The following GINS4 variants were observed in gnomAD, a reference collection of about 807,000 sequenced individuals.
GINS4 encodes DNA replication complex GINS protein SLD5.
A neutral mutation model predicts 31.1 loss-of-function variants in GINS4; 20 were observed. That is an observed-to-expected ratio of 0.64 (90% CI 0.45 to 0.93). The LOEUF (loss-of-function observed/expected upper bound fraction) is 0.93, where lower values mean the gene tolerates loss of function less well. GINS4 is among the 40% of genes least tolerant of loss of function. The probability of loss-of-function intolerance (pLI) is 0.00; values close to 1 mark genes in which losing one functional copy is unlikely to be tolerated. For synonymous variants in GINS4, 85 were observed against 97.9 expected (o/e 0.87, Z 0.78); for missense variants, 245 against 273.9 (o/e 0.89, Z 0.75).
intron 2 of GINS4, among the ~76,000 whole-genome samples, chr8:41,531,820 A>C (rs1806651579): frequency 6.6e-6 from 1 of 152,124 alleles, no homozygotes; most frequent in South Asian, 2.1e-4. Flanking sequence ...AGCATAAAGG[A>C]AAAAAGGGAT....
At chr8:41,538,063 A>G (rs1806773570) in intron 4 of GINS4, 1 of 152,006 alleles carries the variant, frequency 6.6e-6, no homozygotes, top group Admixed American at 6.6e-5. Flanking sequence ...CCTAGTTTAT[A>G]ACTCTGAGAA....
chr8:41,532,897 G>T (rs1271245647), intron 2 of GINS4, among the ~76,000 whole-genome samples: 1 of 151,408 alleles, frequency 6.6e-6, no homozygotes, highest in Non-Finnish European at 1.5e-5. Context: ...GATATAAATA[G>T]GTATAATCGC....
At position 41,542,291 on chromosome 8, in the gene GINS4, G is replaced by A; in HGVS notation, c.*204G>A. On this transcript the variant is annotated 3_prime_UTR_variant, in exon 8 of 8. Coordinates refer to ENST00000276533, the MANE Select transcript of GINS4 (RefSeq NM_032336.3). ...CCCAGCTACTCAGGAGGCCGGGGCA[G>A]GAGAATCGCTTGAACCTGGGAGCAG... 1 of 573,160 alleles carries A rather than the reference G, an allele frequency of 1.7e-6. No homozygotes were observed. The highest frequency in any genetic ancestry group is 3.1e-6 in the Non-Finnish European group (1 of 317,602). The allele number at this position is 573,160 out of a possible 1,614,324, so 35.5% of individuals were successfully genotyped here. A position where few individuals can be genotyped will look rare whatever the true frequency, so the allele number is the denominator to read the frequency against.
chr8:41,535,418 A>G (rs1806725516), intron 2 of GINS4, among the ~76,000 whole-genome samples: 1 of 152,142 alleles, frequency 6.6e-6, no homozygotes, highest in Admixed American at 6.6e-5. Context: ...TCCAGAAAAT[A>G]TGATGTTTTC....
intron 5 of GINS4, 59 bp downstream of exon 5, chr8:41,539,834 A>G (rs1806805544): frequency 1.3e-6 from 2 of 1,577,570 alleles, no homozygotes; most frequent in Non-Finnish European, 1.7e-6. Context: ...GGCCTGTCCT[A>G]GAGGCCTGTG....
At chr8:41,535,251 T>G (rs2150458691) in intron 2 of GINS4, among the ~76,000 whole-genome samples, 1 of 152,204 alleles carries the variant, frequency 6.6e-6, no homozygotes, top group South Asian at 2.1e-4. Context: ...GGCAGGAGAA[T>G]CACTTGAACC....
At chr8:41,537,119 G>A (rs990477712) in intron 3 of GINS4, 61 bp from the exon 4 acceptor site, 14 of 1,062,630 alleles carry the variant, frequency 1.3e-5, no homozygotes, top group African/African-American at 4.7e-5. Flanking sequence ...GGTCCTCAAC[G>A]TTGCCGGTGA....
chr8:41,537,491 A>G, intron 4 of GINS4, 198 bp downstream of exon 4: 1 of 531,078 alleles, frequency 1.9e-6, no homozygotes, highest in Non-Finnish European at 3.4e-6. Context: ...TGTGTGGCCC[A>G]CTGCGGGGAC....
chr8:41,533,940 G>GTCTTACTGGATTAGGGGCCATCCT (rs1455170588), intron 2 of GINS4, among the ~76,000 whole-genome samples: 2 of 152,104 alleles, frequency 1.3e-5, no homozygotes, highest in African/African-American at 4.8e-5. Context: ...CAGGGCACCA[G>GTCTTACTGGATTAGGGGCCATCCT]TCTTACTGGA....
Position 41,541,928 on chromosome 8 carries a change from CA to C in GINS4, c.575+30del. On this transcript the variant is annotated intron_variant, in intron 7 of 7. Transcript: ENST00000276533. Reference sequence around the variant, plus strand: ...AGTGGCGTGCATCTTTCACAGTGGGCACATTCCTCCCGATGGAGGGCCAGCC... The same window carrying C: ...AGTGGCGTGCATCTTTCACAGTGGGCCATTCCTCCCGATGGAGGGCCAGCC... The C allele has an allele frequency of 1.9e-6, 3 of 1,610,466 alleles. No individual in the cohort carries two copies. In the South Asian group the frequency reaches 3.3e-5, roughly 18 times the overall value.
In GINS4 at chr8:41,540,022, C is replaced by T; in HGVS notation, c.484+18C>T. The T allele has an allele frequency of 6.3e-7, 1 of 1,583,062 alleles. No individual in the cohort carries two copies. On this transcript the variant is annotated intron_variant, in intron 6 of 7. Coordinates refer to ENST00000276533, the MANE Select transcript of GINS4 (RefSeq NM_032336.3). ...TCGGGCAGGTAAACAGGACGTTCTC[C>T]CTGCAGGTGGCCCACCCATCCTCAG...
chr8:41,537,533 G>A (rs1174779812), intron 4 of GINS4: 22 of 425,138 alleles, frequency 5.2e-5, no homozygotes, highest in Admixed American at 3.6e-4. Context: ...TTCACCTGCC[G>A]AGTGAGTGGT....
At chr8:41,533,758 T>A (rs1267948682) in intron 2 of GINS4, among the ~76,000 whole-genome samples, 1 of 152,240 alleles carries the variant, frequency 6.6e-6, no homozygotes, top group African/African-American at 2.4e-5. Context: ...TCCCAAAGAC[T>A]GGGTGGCTTA....
chr8:41,530,123 T>G lies in GINS4; in HGVS notation c.-19-61T>G, dbSNP rs112411335. 2.5e-3 allele frequency: 2,667 copies of G among 1,069,594 alleles called. 28 individuals are homozygous for G. Among genetic ancestry groups the G allele is most frequent in the African/African-American group, 0.023 (1,474 of 63,350 alleles). 66.3% of individuals were successfully genotyped at this position (1,069,594 alleles called of 1,614,324 possible). ...AACCTTTCCTTTCTCCAGATAGATGTCTGTTCTTGCAGATAATTAGAAAAC... is the reference window on the plus strand; with the variant it reads ...AACCTTTCCTTTCTCCAGATAGATGGCTGTTCTTGCAGATAATTAGAAAAC... On this transcript the variant is annotated intron_variant, in intron 1 of 7. Coordinates refer to ENST00000276533, the MANE Select transcript of GINS4 (RefSeq NM_032336.3).
chr8:41,543,038 A>G lies in GINS4; in HGVS notation c.*951A>G, dbSNP rs1402060652. 2 of 152,224 alleles carry G rather than the reference A, an allele frequency of 1.3e-5. No homozygotes were observed. The highest frequency in any genetic ancestry group is 2.9e-5 in the Non-Finnish European group (2 of 68,032). The allele number at this position is 152,224 out of a possible 1,614,324, so 9.4% of individuals were successfully genotyped here. Reference sequence around the variant, plus strand: ...GGCTGCATTTAGCCCTGACCTGATAATGGTAGGAGAGTTCATTTAGCCTTT... The same window carrying G: ...GGCTGCATTTAGCCCTGACCTGATAGTGGTAGGAGAGTTCATTTAGCCTTT... On this transcript the variant is annotated 3_prime_UTR_variant, in exon 8 of 8. Coordinates refer to ENST00000276533, the MANE Select transcript of GINS4 (RefSeq NM_032336.3).
chr8:41,540,194 G>A (rs571693862), intron 6 of GINS4, among the ~76,000 whole-genome samples, 190 bp downstream of exon 6: 21 of 152,344 alleles, frequency 1.4e-4, no homozygotes, highest in African/African-American at 3.6e-4. Flanking sequence ...TTTGAGCATT[G>A]CTTCCTTGTT....
chr8:41,531,414 G>A (rs1208255265), intron 2 of GINS4, among the ~76,000 whole-genome samples: 1 of 152,200 alleles, frequency 6.6e-6, no homozygotes, highest in Non-Finnish European at 1.5e-5. Context: ...GCTGTTCATA[G>A]TAAGTATCCT....
intron 2 of GINS4, among the ~76,000 whole-genome samples, chr8:41,532,716 C>G (rs2150457497): frequency 6.6e-6 from 1 of 151,754 alleles, no homozygotes; most frequent in East Asian, 1.9e-4. Context: ...GCCTGTAATC[C>G]CAGCTACTCA....
In GINS4 at chr8:41,542,390, AAAC is replaced by A; in HGVS notation, c.*306_*308del. 2.6e-6 allele frequency: 1 copy of A among 383,394 alleles called. No homozygotes were observed. The highest frequency in any genetic ancestry group is 5.3e-5 in the East Asian group (1 of 18,916). 23.7% of individuals were successfully genotyped at this position (383,394 alleles called of 1,614,324 possible). A position where few individuals can be genotyped will look rare whatever the true frequency, so the allele number is the denominator to read the frequency against. On this transcript the variant is annotated 3_prime_UTR_variant, in exon 8 of 8. Coordinates refer to ENST00000276533, the MANE Select transcript of GINS4 (RefSeq NM_032336.3). The stretch of plus-strand genomic sequence containing the variant: ...CAGTGAGACTTTGTCTCAAAAAAAA[AAAC>A]AAAAAACAAAAAAAAAACAAACTAG...
Sources: allele counts gnomAD v4.1 joint callset (sites outside exome capture counted in the v4.1 genomes callset), GRCh38; gene constraint gnomAD v4.1.1; transcripts MANE v1.5; gene names NCBI Gene and HGNC (gene_info 2026-07-23, HGNC 2026-07-21).